The following DTNA variants were observed in gnomAD, a reference collection of about 807,000 sequenced individuals.
DTNA encodes the protein dystrophin-related protein 3.
Under a neutral mutation model 100.7 loss-of-function variants are expected in DTNA, and 43 were observed. That is an observed-to-expected ratio of 0.43 (90% CI 0.33 to 0.55). DTNA has a LOEUF of 0.55. DTNA is among the 20% of genes least tolerant of loss of function. The pLI, the probability that DTNA is intolerant of heterozygous loss-of-function variation, is 0.04. For missense variants in DTNA, 798 were observed against 953.9 expected, an observed-to-expected ratio of 0.84 and a Z score of 2.15; for synonymous variants, 349 against 347.9, an observed-to-expected ratio of 1.00 and a Z score of -0.04.
chr18:34,570,347 A>G (rs1235503416), intron 1 of DTNA, among the ~76,000 whole-genome samples: 2 of 152,204 alleles, frequency 1.3e-5, no homozygotes, highest in Non-Finnish European at 2.9e-5. Flanking sequence ...ACTCTCTGAA[A>G]GCAGCGACAG....
At chr18:34,613,558 G>T (rs2054641329) in intron 1 of DTNA, among the ~76,000 whole-genome samples, 1 of 152,190 alleles carries the variant, frequency 6.6e-6, no homozygotes, top group Non-Finnish European at 1.5e-5. Context: ...CCATATGAAT[G>T]ATAAGAAAGT....
At chr18:34,860,356 C>G (rs1253200184) in intron 16 of DTNA, among the ~76,000 whole-genome samples, 1 of 151,416 alleles carries the variant, frequency 6.6e-6, no homozygotes, top group Admixed American at 6.6e-5. Flanking sequence ...CGTGAGCCAC[C>G]GCGCCCAGCC....
At chr18:34,511,091 G>A (rs774559655) in intron 1 of DTNA, among the ~76,000 whole-genome samples, 3 of 152,002 alleles carry the variant, frequency 2.0e-5, no homozygotes, top group Non-Finnish European at 2.9e-5. Flanking sequence ...TATAGAGACT[G>A]AGCTATAAAT....
At chr18:34,860,662 CTTTCATT>C (rs1420400129) in intron 16 of DTNA, among the ~76,000 whole-genome samples, 1 of 152,162 alleles carries the variant, frequency 6.6e-6, no homozygotes, top group Non-Finnish European at 1.5e-5. Context: ...TTAATGCATA[CTTTCATT>C]TTTGTCTTAA....
intron 1 of DTNA, among the ~76,000 whole-genome samples, chr18:34,669,160 G>A (rs2076377661): frequency 6.6e-6 from 1 of 152,146 alleles, no homozygotes; most frequent in Admixed American, 6.5e-5. Context: ...TTGTTAAATC[G>A]ATACCTTTAC....
chr18:34,751,540 C>T (rs2148071963), intron 1 of DTNA, among the ~76,000 whole-genome samples: 2 of 152,344 alleles, frequency 1.3e-5, no homozygotes, highest in African/African-American at 4.8e-5. Flanking sequence ...TCTCCACTCA[C>T]ACTTGCACCC....
intron 1 of DTNA, among the ~76,000 whole-genome samples, chr18:34,530,633 G>A (rs2043047557): frequency 6.6e-6 from 1 of 152,062 alleles, no homozygotes; most frequent in South Asian, 2.1e-4. Flanking sequence ...ATTATCAAGT[G>A]CCAAAATCTG....
chr18:34,764,466 C>T (rs1362578616), intron 2 of DTNA, among the ~76,000 whole-genome samples: 1 of 152,152 alleles, frequency 6.6e-6, no homozygotes, highest in Non-Finnish European at 1.5e-5. Flanking sequence ...TAAGGGAATT[C>T]CTGCATTGGG....
At chr18:34,801,943 G>T (rs1415854756) in intron 4 of DTNA, among the ~76,000 whole-genome samples, 2 of 152,246 alleles carry the variant, frequency 1.3e-5, no homozygotes, top group East Asian at 3.9e-4. Flanking sequence ...CCATGTGATT[G>T]ACCACATCAC....
At chr18:34,855,087 G>T (rs2096536918) in intron 15 of DTNA, among the ~76,000 whole-genome samples, 1 of 152,160 alleles carries the variant, frequency 6.6e-6, no homozygotes, top group African/African-American at 2.4e-5. Flanking sequence ...TCAGGACAGT[G>T]AAATTTTGCA....
chr18:34,724,831 C>T (rs1428227138), intron 1 of DTNA, among the ~76,000 whole-genome samples: 5 of 152,134 alleles, frequency 3.3e-5, no homozygotes, highest in African/African-American at 1.2e-4. Flanking sequence ...TGACTTCAAA[C>T]TATACTATAA....
At chr18:34,724,497 G>A (rs1176014016) in intron 1 of DTNA, among the ~76,000 whole-genome samples, 2 of 152,224 alleles carry the variant, frequency 1.3e-5, no homozygotes, top group African/African-American at 4.8e-5. Context: ...TCTGCAGGTT[G>A]TACACAAAGC....
At chr18:34,541,137 A>C (rs2044205567) in intron 1 of DTNA, among the ~76,000 whole-genome samples, 1 of 152,082 alleles carries the variant, frequency 6.6e-6, no homozygotes, top group African/African-American at 2.4e-5. Context: ...CTATCTCAAA[A>C]CACCATAAAA....
intron 1 of DTNA, among the ~76,000 whole-genome samples, chr18:34,656,092 A>G (rs1280632116): frequency 6.6e-6 from 1 of 152,232 alleles, no homozygotes; most frequent in Admixed American, 6.5e-5. Flanking sequence ...TGTTCTTGAT[A>G]GTAATTCTGT....
chr18:34,882,313 T>G (rs1233569040), intron 21 of DTNA, 112 bp downstream of exon 21: 12 of 1,399,442 alleles, frequency 8.6e-6, no homozygotes, highest in Non-Finnish European at 1.1e-5. Context: ...CCCTCCCTTT[T>G]CAAAATACAC....
At chr18:34,818,506 T>C in intron 8 of DTNA, 176 bp downstream of exon 8, 2 of 1,500,012 alleles carry the variant, frequency 1.3e-6, no homozygotes, top group South Asian at 1.3e-5. Flanking sequence ...ACTTATTCTG[T>C]TGGAACCCAG....
At chr18:34,609,801 T>TTC (rs2053878065) in intron 1 of DTNA, among the ~76,000 whole-genome samples, 1 of 152,198 alleles carries the variant, frequency 6.6e-6, no homozygotes, top group Non-Finnish European at 1.5e-5. Context: ...GTTTAGTGAA[T>TTC]TAACATTACT....
intron 1 of DTNA, chr18:34,557,870 G>T (rs2046247388): frequency 1.3e-5 from 2 of 152,322 alleles, no homozygotes; most frequent in African/African-American, 2.4e-5. Flanking sequence ...AGGCAGGCAG[G>T]CCTCCTTGAG....
intron 1 of DTNA, among the ~76,000 whole-genome samples, chr18:34,559,669 A>C (rs2046455551): frequency 6.6e-6 from 1 of 152,186 alleles, no homozygotes; most frequent in Non-Finnish European, 1.5e-5. Flanking sequence ...TGTTCAACTG[A>C]AACAGAAGTA....
Sources: gnomAD v4.1 joint callset for allele counts (sites outside exome capture counted in the v4.1 genomes callset) on GRCh38, gnomAD v4.1.1 for gene constraint, MANE v1.5 for transcripts, NCBI Gene and HGNC (gene_info 2026-07-23, HGNC 2026-07-21) for gene names.